Variants in NRG3 observed in about 807,000 individuals in gnomAD.
NRG3 encodes the protein neuregulin 3, also known as pro-neuregulin-3, membrane-bound isoform.
Under a neutral mutation model 66.9 loss-of-function variants are expected in NRG3, and 31 were observed. That is an observed-to-expected ratio of 0.46 (90% CI 0.35 to 0.63). The LOEUF (loss-of-function observed/expected upper bound fraction) is 0.63. NRG3 is among the 20% of genes least tolerant of loss of function. The pLI is 0.00. For synonymous variants in NRG3, 393 were observed against 359.4 expected (o/e 1.09, Z -1.06); for missense variants, 910 against 878.9 (o/e 1.04, Z -0.45).
At chr10:82,117,920 G>C (rs1187296127) in intron 1 of NRG3, among the ~76,000 whole-genome samples, 2 of 152,116 alleles carry the variant, frequency 1.3e-5, no homozygotes, top group Non-Finnish European at 2.9e-5. Context: ...TTCATTACTT[G>C]ATCATTCAAC....
chr10:82,330,061 G>T (rs2082067666), intron 1 of NRG3, among the ~76,000 whole-genome samples: 1 of 152,152 alleles, frequency 6.6e-6, no homozygotes, highest in African/African-American at 2.4e-5. Context: ...TGGCCATAAA[G>T]ATTTTCCATA....
At position 82,607,832 on chromosome 10, in the gene NRG3, A is replaced by AT. The variant is rs541007916; in HGVS notation, c.954-130738dup. 1.1e-4 allele frequency among the ~76,000 whole-genome samples: 16 copies of AT among 150,978 alleles called. No individual in the cohort carries two copies. The South Asian group carries it at 1.5e-3, about 14-fold the overall frequency. On this transcript the variant is annotated intron_variant, in intron 2 of 8. Coordinates refer to ENST00000372141, the MANE Select transcript of NRG3 (RefSeq NM_001010848.4). ...GTCCTATTTAATATAAAACAATAAT[A>AT]TTTTTTTGTATTGCAAGTACTTTAT...
At chr10:82,649,456 AG>A (rs2051229305) in intron 2 of NRG3, among the ~76,000 whole-genome samples, 1 of 122,138 alleles carries the variant, frequency 8.2e-6, no homozygotes. Context: ...TTTCTGGTGC[AG>A]GCTTTTTTTT....
At chr10:82,312,002 A>G (rs560832531) in intron 1 of NRG3, among the ~76,000 whole-genome samples, 1 of 152,304 alleles carries the variant, frequency 6.6e-6, no homozygotes, top group Middle Eastern at 3.4e-3. Flanking sequence ...TAAGACATAT[A>G]TGACACATGA....
chr10:82,161,991 C>T (rs1461118498), intron 1 of NRG3, among the ~76,000 whole-genome samples: 1 of 152,100 alleles, frequency 6.6e-6, no homozygotes, highest in African/African-American at 2.4e-5. Flanking sequence ...TTCTCAATAT[C>T]AGTGTGCCCA....
intron 1 of NRG3, among the ~76,000 whole-genome samples, chr10:81,975,572 A>G (rs1390543015): frequency 1.3e-5 from 2 of 152,216 alleles, no homozygotes; most frequent in East Asian, 1.9e-4. Context: ...AAATTAAAGT[A>G]TCATTATCAA....
intron 1 of NRG3, among the ~76,000 whole-genome samples, chr10:82,235,735 T>G (rs1054552151): frequency 1.3e-5 from 2 of 152,154 alleles, no homozygotes; most frequent in Non-Finnish European, 2.9e-5. Context: ...TAAAGAAAAT[T>G]GTATTTTGAG....
chr10:82,552,897 A>T (rs1209805751), intron 2 of NRG3, among the ~76,000 whole-genome samples: 2 of 152,096 alleles, frequency 1.3e-5, no homozygotes, highest in Non-Finnish European at 2.9e-5. Flanking sequence ...CCTTTGAAGC[A>T]GTATTGTCCT....
At chr10:82,084,142 T>A (rs948232075) in intron 1 of NRG3, among the ~76,000 whole-genome samples, 32 of 151,842 alleles carry the variant, frequency 2.1e-4, no homozygotes, top group African/African-American at 7.2e-4. Context: ...GCAGGAGAAT[T>A]GCTTGAACCT....
At chr10:82,714,822 C>T (rs1263712579) in intron 2 of NRG3, among the ~76,000 whole-genome samples, 2 of 152,114 alleles carry the variant, frequency 1.3e-5, no homozygotes, top group Non-Finnish European at 2.9e-5. Flanking sequence ...ATCAGTGGCA[C>T]ACCGCCATGA....
chr10:82,361,140 T>C (rs889402953), intron 2 of NRG3, among the ~76,000 whole-genome samples: 8 of 152,234 alleles, frequency 5.3e-5, no homozygotes, highest in Non-Finnish European at 1.0e-4. Context: ...TCCTTTGCTT[T>C]TGTGAGATGC....
intron 2 of NRG3, among the ~76,000 whole-genome samples, chr10:82,641,678 A>T (rs1291746079): frequency 6.6e-6 from 1 of 152,182 alleles, no homozygotes; most frequent in South Asian, 2.1e-4. Context: ...ACATCAATGG[A>T]TTGAAATACA....
At chr10:82,113,520 TG>T (rs1421381588) in intron 1 of NRG3, among the ~76,000 whole-genome samples, 1 of 152,180 alleles carries the variant, frequency 6.6e-6, no homozygotes, top group South Asian at 2.1e-4. Context: ...TGTGGTGATT[TG>T]GGTTATGAAA....
chr10:82,935,625 T>C (rs968647602), intron 4 of NRG3, among the ~76,000 whole-genome samples: 2 of 152,020 alleles, frequency 1.3e-5, no homozygotes, highest in Non-Finnish European at 1.5e-5. Flanking sequence ...ATTATTTTTC[T>C]CTTTTTTTTT....
intron 1 of NRG3, among the ~76,000 whole-genome samples, chr10:82,186,892 A>G (rs1365858124): frequency 1.3e-5 from 2 of 152,098 alleles, no homozygotes; most frequent in Non-Finnish European, 2.9e-5. Flanking sequence ...CAGCTGTAAC[A>G]CAGGGAATCC....
chr10:82,159,411 C>T (rs1285682547), intron 1 of NRG3, among the ~76,000 whole-genome samples: 1 of 151,738 alleles, frequency 6.6e-6, no homozygotes, highest in Non-Finnish European at 1.5e-5. Context: ...ATGTTGCTTT[C>T]CCTGTCTGTC....
chr10:82,804,327 A>G (rs2061183799), intron 3 of NRG3, among the ~76,000 whole-genome samples: 1 of 152,234 alleles, frequency 6.6e-6, no homozygotes, highest in African/African-American at 2.4e-5. Flanking sequence ...AATTCATGCT[A>G]ATTTTGCTGT....
At chr10:82,709,067 A>AT (rs1174623438) in intron 2 of NRG3, among the ~76,000 whole-genome samples, 3 of 151,996 alleles carry the variant, frequency 2.0e-5, no homozygotes, top group Non-Finnish European at 2.9e-5. Context: ...GTCCCCCTCC[A>AT]TGTCCTCTCT....
intron 1 of NRG3, among the ~76,000 whole-genome samples, chr10:82,180,534 G>T (rs2073344114): frequency 1.3e-5 from 2 of 151,744 alleles, no homozygotes; most frequent in Admixed American, 6.6e-5. Context: ...TTAATGTGGT[G>T]TATCACCTTG....
Sources: gnomAD v4.1 joint callset for allele counts (sites outside exome capture counted in the v4.1 genomes callset) on GRCh38, gnomAD v4.1.1 for gene constraint, MANE v1.5 for transcripts, NCBI Gene and HGNC (gene_info 2026-07-23, HGNC 2026-07-21) for gene names.